SLC25A26: variants seen among roughly 807,000 people sequenced by gnomAD.
The protein encoded by SLC25A26 is solute carrier family 25 member 26.
Under a neutral mutation model 37.8 loss-of-function variants are expected in SLC25A26, and 36 were observed. That is an observed-to-expected ratio of 0.95 (90% CI 0.73 to 1.26). The LOEUF is 1.26. Among genes scored for constraint, SLC25A26 ranks in the 50% most tolerant of loss-of-function variants. SLC25A26 has a pLI of 0.00. For synonymous variants in SLC25A26, 129 were observed against 122.5 expected (o/e 1.05, Z -0.35); for missense variants, 390 against 331.1 (o/e 1.18, Z -1.38).
intron 5 of SLC25A26, among the ~76,000 whole-genome samples, chr3:66,276,134 A>G (rs1317089414): frequency 6.6e-6 from 1 of 152,170 alleles, no homozygotes; most frequent in Non-Finnish European, 1.5e-5. Flanking sequence ...TTGGGATCAC[A>G]TAATGAAAAT....
intron 6 of SLC25A26, among the ~76,000 whole-genome samples, chr3:66,347,729 GC>G (rs1258472754): frequency 6.6e-6 from 1 of 152,100 alleles, no homozygotes; most frequent in African/African-American, 2.4e-5. Context: ...CAACCCAAAT[GC>G]CCATCAATGA....
intron 5 of SLC25A26, chr3:66,304,349 C>G (rs2075157455): frequency 4.6e-6 from 2 of 438,048 alleles, no homozygotes; most frequent in Non-Finnish European, 9.1e-6. Flanking sequence ...CTGGAGCATA[C>G]TTTTTCTTAT....
rs1242977476 is a variant in SLC25A26, at chr3:66,352,428, G to GTTT, written c.498+6024_498+6026dup. Among the ~76,000 whole-genome samples the GTTT allele has an allele frequency of 2.2e-3, 284 of 126,568 alleles. 18 individuals carry two copies. Among genetic ancestry groups the GTTT allele is most frequent in the African/African-American group, 8.4e-3 (245 of 29,042 alleles). 83.0% of individuals were successfully genotyped at this position (126,568 alleles called of 152,430 possible). A position where few individuals can be genotyped will look rare whatever the true frequency, so the allele number is the denominator to read the frequency against. ...TGCCTAGCGCCTCCCCTCGTTTTTT[G>GTTT]TTTTTTGTTTTTTGTTTTTTTTTTT... On this transcript the variant is annotated intron_variant, in intron 6 of 9. Coordinates refer to ENST00000354883, the MANE Select transcript of SLC25A26 (RefSeq NM_001379210.1).
At chr3:66,312,556 A>G (rs1204292964) in intron 5 of SLC25A26, among the ~76,000 whole-genome samples, 1 of 151,914 alleles carries the variant, frequency 6.6e-6, no homozygotes, top group Non-Finnish European at 1.5e-5. Flanking sequence ...CAACAGAAAA[A>G]AAAAAACTCC....
chr3:66,231,030 C>G (rs1369594061), intron 1 of SLC25A26, among the ~76,000 whole-genome samples: 1 of 152,016 alleles, frequency 6.6e-6, no homozygotes, highest in East Asian at 1.9e-4. Context: ...TAAAAATTAG[C>G]CAGTCATGGT....
At position 66,294,804 on chromosome 3, in the gene SLC25A26, G is replaced by A. The variant is rs534400515; in HGVS notation, c.453+31425G>A. Among the ~76,000 whole-genome samples the A allele has an allele frequency of 3.3e-5, 5 of 152,300 alleles. No homozygotes were observed. In the South Asian group the frequency reaches 6.2e-4, roughly 19 times the overall value. On this transcript the variant is annotated intron_variant, in intron 5 of 9. Coordinates refer to ENST00000354883, the MANE Select transcript of SLC25A26 (RefSeq NM_001379210.1). ...ATGGGTCATTTACTGATTACCACAC[G>A]TAATTGTTAGGAAAGTCTTTGTAGC...
chr3:66,243,239 G>C lies in SLC25A26; in HGVS notation c.227G>C (p.Trp76Ser). Reference sequence around the variant, plus strand: ...TTTATCACCTATGAATATGTGAAGTGGTTTTTGCATGCTGATTCATCTTCA... The same window carrying C: ...TTTATCACCTATGAATATGTGAAGTCGTTTTTGCATGCTGATTCATCTTCA... ...AFFITYEYVK[W>S]FLHADSSSYL... The change falls in exon 3 of 10, where the codon TGG becomes TCG. Residue 76 changes from tryptophan (W) to serine (S), a missense_variant. Physicochemically the swap from Trp to Ser is radical, Grantham distance 177. Coordinates refer to ENST00000354883, the MANE Select transcript of SLC25A26 (RefSeq NM_001379210.1). 2 of 1,608,674 alleles carry C rather than the reference G, an allele frequency of 1.2e-6. No individual in the cohort carries two copies. Among genetic ancestry groups the C allele is most frequent in the East Asian group, 2.2e-5 (1 of 44,686 alleles).
intron 1 of SLC25A26, among the ~76,000 whole-genome samples, chr3:66,177,256 A>G (rs1461138021): frequency 6.6e-6 from 1 of 152,244 alleles, no homozygotes; most frequent in Non-Finnish European, 1.5e-5. Context: ...AATGTTGGCA[A>G]TGCTGACATA....
intron 1 of SLC25A26, among the ~76,000 whole-genome samples, chr3:66,209,606 A>G (rs1167473537): frequency 3.1e-5 from 4 of 127,526 alleles, no homozygotes; most frequent in Non-Finnish European, 5.1e-5. Context: ...TAAAAGGTAT[A>G]TATATACACA....
At chr3:66,180,622 G>A (rs1372451379) in intron 1 of SLC25A26, among the ~76,000 whole-genome samples, 1 of 151,974 alleles carries the variant, frequency 6.6e-6, no homozygotes, top group Admixed American at 6.6e-5. Flanking sequence ...GGGAGAGCAA[G>A]TTATCTGGGC....
rs34944870 is a variant in SLC25A26, at chr3:66,346,715, C to CGT, written c.498+352_498+353dup. Among the ~76,000 whole-genome samples the CGT allele has an allele frequency of 0.13, 17,828 of 138,804 alleles. 1,122 individuals carry two copies. Among genetic ancestry groups the CGT allele is most frequent in the Admixed American group, 0.2 (2,743 of 13,792 alleles). 91.1% of individuals were successfully genotyped at this position (138,804 alleles called of 152,430 possible). ...CCGTTAAATTTCATTTTGCTGTGTG[C>CGT]GTGTGTGTGTGTGTGTGTGTGTGTG... On this transcript the variant is annotated intron_variant, in intron 6 of 9. Coordinates refer to ENST00000354883, the MANE Select transcript of SLC25A26 (RefSeq NM_001379210.1).
At chr3:66,218,179 G>A (rs945325890), upstream of SLC25A26, among the ~76,000 whole-genome samples, 9 of 151,432 alleles carry the variant, frequency 5.9e-5, no homozygotes, top group East Asian at 9.7e-4. Context: ...ATTCATGTCC[G>A]TTTATTGTTG....
At chr3:66,345,542 C>T (rs2076300999) in intron 5 of SLC25A26, among the ~76,000 whole-genome samples, 1 of 151,052 alleles carries the variant, frequency 6.6e-6, no homozygotes, top group South Asian at 2.1e-4. Flanking sequence ...CTTCCTGCTT[C>T]CTTTTTTACC....
chr3:66,157,689 A>G (rs1371091114), intron 1 of SLC25A26, among the ~76,000 whole-genome samples: 2 of 152,208 alleles, frequency 1.3e-5, no homozygotes, highest in Non-Finnish European at 2.9e-5. Flanking sequence ...GCTTCCAACA[A>G]AATTTTGAAC....
chr3:66,201,129 C>T (rs2071103020), intron 1 of SLC25A26, among the ~76,000 whole-genome samples: 1 of 151,926 alleles, frequency 6.6e-6, no homozygotes, highest in Non-Finnish European at 1.5e-5. Context: ...TCCTCCTTAC[C>T]AGGGGAAATG....
At chr3:66,187,172 G>T (rs1170650628) in intron 1 of SLC25A26, among the ~76,000 whole-genome samples, 12 of 151,708 alleles carry the variant, frequency 7.9e-5, no homozygotes, top group African/African-American at 2.4e-4. Context: ...TCTTGACCTT[G>T]ACCCTGACCC....
chr3:66,314,297 A>C (rs1156918824), intron 5 of SLC25A26, among the ~76,000 whole-genome samples: 1 of 152,160 alleles, frequency 6.6e-6, no homozygotes, highest in East Asian at 1.9e-4. Context: ...TGATCCATCA[A>C]TACCTAGTTT....
intron 5 of SLC25A26, among the ~76,000 whole-genome samples, chr3:66,290,700 G>C (rs139335586): frequency 4.6e-5 from 7 of 152,274 alleles, no homozygotes; most frequent in African/African-American, 1.7e-4. Flanking sequence ...TCGGTGTGCT[G>C]CTGGATTCGG....
chr3:66,179,093 G>C (rs144072684), intron 1 of SLC25A26, among the ~76,000 whole-genome samples: 1 of 152,150 alleles, frequency 6.6e-6, no homozygotes, highest in African/African-American at 2.4e-5. Flanking sequence ...ACATTAGCTT[G>C]TTTTAGTTGG....
Sources: gnomAD v4.1 joint callset for allele counts (sites outside exome capture counted in the v4.1 genomes callset) on GRCh38, gnomAD v4.1.1 for gene constraint, MANE v1.5 for transcripts, NCBI Gene and HGNC (gene_info 2026-07-23, HGNC 2026-07-21) for gene names.